Variants in PIK3R3 observed in about 807,000 individuals in gnomAD.
The protein encoded by PIK3R3 is phosphatidylinositol 3-kinase regulatory subunit gamma.
PIK3R3 carries 64 observed loss-of-function variants against 62.9 expected under a neutral mutation model. The ratio of observed to expected loss-of-function variants is 1.02; its 90% CI spans 0.83 to 1.25. The LOEUF is 1.25. PIK3R3 is among the 50% of genes most tolerant of loss of function. The pLI is 0.00. For missense variants in PIK3R3, 614 were observed against 561.6 expected, an observed-to-expected ratio of 1.09 and a Z score of -0.94; for synonymous variants, 165 against 189.0, an observed-to-expected ratio of 0.87 and a Z score of 1.04.
chr1:46,120,608 T>G (rs1246667882), intron 1 of PIK3R3, among the ~76,000 whole-genome samples: 2 of 152,160 alleles, frequency 1.3e-5, no homozygotes, highest in African/African-American at 4.8e-5. Context: ...TTCCCACAGC[T>G]AGATTTTAAC....
the PIK3R3 span, among the ~76,000 whole-genome samples, chr1:46,154,580 A>C: frequency 6.6e-6 from 1 of 152,048 alleles, no homozygotes; most frequent in Non-Finnish European, 1.5e-5. Flanking sequence ...AAGAAAAGTT[A>C]AGTTCAGAAT....
chr1:46,168,840 C>T, the PIK3R3 span, among the ~76,000 whole-genome samples: 3 of 152,066 alleles, frequency 2.0e-5, no homozygotes, highest in Admixed American at 2.0e-4. Flanking sequence ...GCCCCCTTTA[C>T]ACCCCCTCCT....
chr1:46,133,953 T>G (rs1412172003), upstream of PIK3R3, among the ~76,000 whole-genome samples: 1 of 152,232 alleles, frequency 6.6e-6, no homozygotes, highest in Non-Finnish European at 1.5e-5. Context: ...CCCCCAAAGC[T>G]TAAATCTGGG....
the PIK3R3 span, among the ~76,000 whole-genome samples, chr1:46,158,346 T>C: frequency 1.3e-5 from 2 of 152,202 alleles, no homozygotes; most frequent in Non-Finnish European, 2.9e-5. Context: ...TATCAGGCAG[T>C]TTCCCCCACC....
At chr1:46,049,098 TA>T (rs1371835119) in intron 7 of PIK3R3, among the ~76,000 whole-genome samples, 1 of 151,478 alleles carries the variant, frequency 6.6e-6, no homozygotes, top group Non-Finnish European at 1.5e-5. Context: ...TTAGAAAAGA[TA>T]CTATATATAC....
At chr1:46,109,332 T>C (rs951061856) in intron 1 of PIK3R3, among the ~76,000 whole-genome samples, 12 of 152,194 alleles carry the variant, frequency 7.9e-5, no homozygotes, top group African/African-American at 2.9e-4. Flanking sequence ...ACTACATAAA[T>C]ATGTATCTTG....
Position 46,043,777 on chromosome 1 carries a change from G to A in PIK3R3, c.1282C>T (p.Leu428=), listed in dbSNP as rs754195462. ...PYNLYSSLKE[L]VLHYQQTSLV... Reference sequence around the variant, plus strand: ...GATGTCTGCTGGTAATGGAGCACTAGCTCCTTCAGAGAGCTGTACAGGTTG... The same window carrying A: ...GATGTCTGCTGGTAATGGAGCACTAACTCCTTCAGAGAGCTGTACAGGTTG... The change falls in exon 10 of 10, where the codon CTA becomes TTA. Residue 428 remains leucine, a synonymous_variant. Coordinates refer to ENST00000262741, the MANE Select transcript of PIK3R3 (RefSeq NM_003629.4). 6.2e-7 allele frequency: 1 copy of A among 1,614,148 alleles called. No individual in the cohort carries two copies. The highest frequency in any genetic ancestry group is 1.7e-5 in the Admixed American group (1 of 60,026).
rs1336196011 is a variant in PIK3R3, at chr1:46,132,287, C to A, written c.-335G>T. 4.5e-6 allele frequency: 5 copies of A among 1,115,396 alleles called. No individual in the cohort carries two copies. The highest frequency in any genetic ancestry group is 6.9e-5 in the East Asian group (1 of 14,452). The allele number at this position is 1,115,396 out of a possible 1,614,324, so 69.1% of individuals were successfully genotyped here. A position where few individuals can be genotyped will look rare whatever the true frequency, so the allele number is the denominator to read the frequency against. The stretch of plus-strand genomic sequence containing the variant: ...GCTCTCCGGGGAGAAAAGCTCCCAC[C>A]GCCTCCAAATCTTTCCGCGGAAGCC... On this transcript the variant is annotated 5_prime_UTR_variant, in exon 1 of 10. Transcript: ENST00000262741.
intron 1 of PIK3R3, among the ~76,000 whole-genome samples, chr1:46,119,611 T>C (rs1366410307): frequency 1.3e-5 from 2 of 152,112 alleles, no homozygotes; most frequent in African/African-American, 2.4e-5. Flanking sequence ...AAAGATATAA[T>C]CTACAGGTTA....
chr1:46,163,850 C>T, the PIK3R3 span, among the ~76,000 whole-genome samples: 1 of 152,230 alleles, frequency 6.6e-6, no homozygotes, highest in Non-Finnish European at 1.5e-5. Flanking sequence ...ATCTCCACAG[C>T]ACAGAGCACT....
intron 3 of PIK3R3, among the ~76,000 whole-genome samples, chr1:46,072,642 T>A (rs1649642014): frequency 1.3e-5 from 2 of 152,212 alleles, no homozygotes; most frequent in South Asian, 4.1e-4. Context: ...ATAAGAAGCA[T>A]ATTCATCTAT....
intron 1 of PIK3R3, among the ~76,000 whole-genome samples, chr1:46,109,424 G>T (rs191749697): frequency 0.01 from 1,541 of 152,094 alleles, 12 homozygotes; most frequent in Non-Finnish European, 0.018. Flanking sequence ...TACACTGTTA[G>T]CCATTTTTTC....
At chr1:46,060,774 A>G (rs1303972494) in intron 6 of PIK3R3, among the ~76,000 whole-genome samples, 1 of 152,220 alleles carries the variant, frequency 6.6e-6, no homozygotes, top group Non-Finnish European at 1.5e-5. Context: ...ATTAAGCTAC[A>G]CTGCCTCACA....
At chr1:46,076,728 A>C (rs181667319) in intron 3 of PIK3R3, among the ~76,000 whole-genome samples, 14 of 152,306 alleles carry the variant, frequency 9.2e-5, no homozygotes, top group African/African-American at 3.4e-4. Flanking sequence ...TAACTATGTG[A>C]CTTTAGGCAA....
At chr1:46,135,487 G>A (rs1241567874), upstream of PIK3R3, among the ~76,000 whole-genome samples, 5 of 152,160 alleles carry the variant, frequency 3.3e-5, no homozygotes, top group East Asian at 9.6e-4. Flanking sequence ...AGGATTAATA[G>A]TACTTTTCTG....
chr1:46,043,868 G>GCAGTGCTTCACTT lies in PIK3R3; in HGVS notation c.1190_1191insAAGTGAAGCACTG (p.Asp398SerfsTer88). On this transcript the variant is annotated frameshift_variant, in exon 10 of 10. Coordinates refer to ENST00000262741, the MANE Select transcript of PIK3R3 (RefSeq NM_003629.4). LOFTEE classifies it high-confidence loss of function. ...TCACACAGTGCTTCACTTCCCCATCGGCCCTGCAATGACAAACCACAGAAG... is the reference window on the plus strand; with the variant it reads ...TCACACAGTGCTTCACTTCCCCATCGCAGTGCTTCACTTGCCCTGCAATGACAAACCACAGAAG... The GCAGTGCTTCACTT allele has an allele frequency of 3.7e-6, 6 of 1,612,156 alleles. No individual in the cohort carries two copies. Among genetic ancestry groups the GCAGTGCTTCACTT allele is most frequent in the Non-Finnish European group, 5.1e-6 (6 of 1,178,868 alleles).
intron 1 of PIK3R3, chr1:46,104,805 G>A (rs990945496): frequency 2.3e-5 from 8 of 346,492 alleles, no homozygotes; most frequent in South Asian, 4.0e-5. Context: ...GGTGGCAAGC[G>A]CCTGTAATCC....
chr1:46,090,312 TTTTA>T (rs34068212), intron 1 of PIK3R3, among the ~76,000 whole-genome samples: 89,992 of 148,396 alleles, frequency 0.61, 28,366 homozygotes, highest in Non-Finnish European at 0.69. Flanking sequence ...ACGCAGTCTT[TTTTA>T]TTTATTTATT....
chr1:46,096,793 A>G (rs1368423725), intron 1 of PIK3R3, among the ~76,000 whole-genome samples: 1 of 151,212 alleles, frequency 6.6e-6, no homozygotes, highest in Non-Finnish European at 1.5e-5. Context: ...GTGAGCACAG[A>G]TAGTGTCACT....
Sources: gnomAD v4.1 joint callset for allele counts (sites outside exome capture counted in the v4.1 genomes callset) on GRCh38, gnomAD v4.1.1 for gene constraint, MANE v1.5 for transcripts, NCBI Gene and HGNC (gene_info 2026-07-23, HGNC 2026-07-21) for gene names.